Variants in MIR2052HG observed in about 807,000 individuals in gnomAD.
MIR2052HG encodes MIR2052 host gene.
At chr8:74,665,671 T>C (rs1277498697) in intron 2 of MIR2052HG, among the ~76,000 whole-genome samples, 4 of 152,294 alleles carry the variant, frequency 2.6e-5, no homozygotes, top group African/African-American at 9.6e-5. Context: ...ATGATTTTTT[T>C]CTTCTCACTT....
chr8:74,738,139 A>G (rs1263750731), intron 4 of MIR2052HG, among the ~76,000 whole-genome samples: 1 of 151,656 alleles, frequency 6.6e-6, no homozygotes, highest in Non-Finnish European at 1.5e-5. Context: ...GTATGTATCT[A>G]TCTATCTATC....
chr8:74,607,674 C>G (rs1563510599), intron 1 of MIR2052HG, among the ~76,000 whole-genome samples: 1 of 152,020 alleles, frequency 6.6e-6, no homozygotes, highest in Non-Finnish European at 1.5e-5. Flanking sequence ...GGCAAATCTA[C>G]CATTTTATTC....
intron 2 of MIR2052HG, among the ~76,000 whole-genome samples, chr8:74,640,762 CAG>C (rs146921713): frequency 0.043 from 6,523 of 152,230 alleles, 227 homozygotes; most frequent in Non-Finnish European, 0.053. Flanking sequence ...TTAATTCAGC[CAG>C]AGTTACATCC....
chr8:74,606,630 A>G (rs2128730794), intron 1 of MIR2052HG, among the ~76,000 whole-genome samples: 1 of 152,300 alleles, frequency 6.6e-6, no homozygotes, highest in African/African-American at 2.4e-5. Context: ...GAGCTAAATG[A>G]TGAGAACACA....
At chr8:74,612,698 A>G (rs756382364) in intron 1 of MIR2052HG, 5 of 335,182 alleles carry the variant, frequency 1.5e-5, no homozygotes, top group Non-Finnish European at 2.9e-5. Context: ...TAACTAAACT[A>G]CTAGTTTTAT....
intron 2 of MIR2052HG, among the ~76,000 whole-genome samples, chr8:74,660,382 A>C (rs910890215): frequency 7.9e-5 from 12 of 152,144 alleles, no homozygotes; most frequent in Non-Finnish European, 1.5e-4. Context: ...ACTCAAACCT[A>C]TGACTAGACT....
At chr8:74,654,908 A>C (rs1482027350) in intron 2 of MIR2052HG, among the ~76,000 whole-genome samples, 1 of 152,134 alleles carries the variant, frequency 6.6e-6, no homozygotes, top group African/African-American at 2.4e-5. Flanking sequence ...AATGGCTTTG[A>C]CCAAAAGCCT....
intron 1 of MIR2052HG, among the ~76,000 whole-genome samples, chr8:74,605,262 G>T: frequency 6.6e-6 from 1 of 152,138 alleles, no homozygotes; most frequent in East Asian, 1.9e-4. Context: ...AATTAGCTGT[G>T]ATATAATACA....
At chr8:74,617,459 GTGT>G (rs1563513757) in intron 2 of MIR2052HG, among the ~76,000 whole-genome samples, 14 of 20,718 alleles carry the variant, frequency 6.8e-4, no homozygotes, top group Admixed American at 1.8e-3. Context: ...TCCATTGGGT[GTGT>G]GTGTGTGTGT....
chr8:74,730,253 TTAA>T (rs1809678054), intron 4 of MIR2052HG, among the ~76,000 whole-genome samples: 3 of 152,296 alleles, frequency 2.0e-5, no homozygotes, highest in South Asian at 4.1e-4. Flanking sequence ...TTACATTTCC[TTAA>T]TAATTTGATA....
At chr8:74,655,753 G>T (rs570872453) in intron 2 of MIR2052HG, among the ~76,000 whole-genome samples, 6 of 152,276 alleles carry the variant, frequency 3.9e-5, no homozygotes, top group African/African-American at 1.2e-4. Flanking sequence ...ATCCATACTA[G>T]GGCATCATCT....
intron 4 of MIR2052HG, among the ~76,000 whole-genome samples, chr8:74,718,252 A>T (rs1304862125): frequency 6.6e-6 from 1 of 152,248 alleles, no homozygotes; most frequent in East Asian, 1.9e-4. Flanking sequence ...GAAACATATT[A>T]GTAAGGACAC....
At chr8:74,719,519 A>G (rs1809552674) in intron 4 of MIR2052HG, among the ~76,000 whole-genome samples, 1 of 152,188 alleles carries the variant, frequency 6.6e-6, no homozygotes, top group African/African-American at 2.4e-5. Flanking sequence ...ACCGACTTCT[A>G]GACTTTTCCT....
chr8:74,704,538 C>G (rs1180498713), intron 4 of MIR2052HG, among the ~76,000 whole-genome samples: 1 of 152,030 alleles, frequency 6.6e-6, no homozygotes, highest in Non-Finnish European at 1.5e-5. Flanking sequence ...CTCAGACTTT[C>G]CCCTTTTTCT....
intron 4 of MIR2052HG, among the ~76,000 whole-genome samples, chr8:74,723,818 G>A (rs1809604129): frequency 1.3e-5 from 2 of 152,292 alleles, no homozygotes; most frequent in South Asian, 4.2e-4. Context: ...GGTCAGATCA[G>A]CCTAATTTCT....
At chr8:74,749,267 T>C (rs553200121) in intron 4 of MIR2052HG, among the ~76,000 whole-genome samples, 1 of 152,140 alleles carries the variant, frequency 6.6e-6, no homozygotes, top group Non-Finnish European at 1.5e-5. Flanking sequence ...ACCATGATTG[T>C]TGATGCTGTA....
At chr8:74,701,108 A>G (rs966815780) in intron 2 of MIR2052HG, among the ~76,000 whole-genome samples, 2 of 152,156 alleles carry the variant, frequency 1.3e-5, no homozygotes, top group African/African-American at 4.8e-5. Context: ...CTTAGAGAAT[A>G]AAGAAAACTG....
At chr8:74,604,340 A>G (rs1586884801) in intron 1 of MIR2052HG, 4 of 322,962 alleles carry the variant, frequency 1.2e-5, no homozygotes, top group South Asian at 2.3e-5. Context: ...GAGGCGACTG[A>G]GGGGAAAAGG....
At chr8:74,735,366 A>G (rs1809734983) in intron 4 of MIR2052HG, among the ~76,000 whole-genome samples, 1 of 152,176 alleles carries the variant, frequency 6.6e-6, no homozygotes, top group African/African-American at 2.4e-5. Context: ...TTTATGGTCT[A>G]ATAGGGTTTT....
Sources: gnomAD v4.1 joint callset for allele counts (sites outside exome capture counted in the v4.1 genomes callset) on GRCh38, gnomAD v4.1.1 for gene constraint, MANE v1.5 for transcripts, NCBI Gene and HGNC (gene_info 2026-07-23, HGNC 2026-07-21) for gene names.